FHL2: variants seen among roughly 807,000 people sequenced by gnomAD.
The protein encoded by FHL2 is four and a half LIM domains 2.
Under a neutral mutation model 32.7 loss-of-function variants are expected in FHL2, and 20 were observed. The ratio of observed to expected loss-of-function variants is 0.61; its 90% CI spans 0.43 to 0.89. The LOEUF (loss-of-function observed/expected upper bound fraction) is 0.89. Among genes scored for constraint, FHL2 ranks in the 40% least tolerant of loss-of-function variants. FHL2 has a pLI of 0.00. For synonymous variants in FHL2, 123 were observed against 128.1 expected (o/e 0.96, Z 0.27); for missense variants, 311 against 358.6 (o/e 0.87, Z 1.07).
chr2:105,365,959 C>T (rs1179382205), intron 5 of FHL2, among the ~76,000 whole-genome samples: 1 of 151,950 alleles, frequency 6.6e-6, no homozygotes, highest in East Asian at 1.9e-4. Context: ...AATCCCAGCA[C>T]TTTGGGAGGT....
rs908299857 is a variant in FHL2 at position 105,361,135 on chromosome 2, G to A, written c.*148C>T. On this transcript the variant is annotated 3_prime_UTR_variant, in exon 7 of 7. Coordinates refer to ENST00000530340, the MANE Select transcript of FHL2 (RefSeq NM_001318895.3). ...CTGAACTATCACAAAGCACTAAAGGGTTTAAGCAAACGTGAGTATCACTGA... is the reference window on the plus strand; with the variant it reads ...CTGAACTATCACAAAGCACTAAAGGATTTAAGCAAACGTGAGTATCACTGA... The A allele has an allele frequency of 1.5e-5, 12 of 784,408 alleles. No homozygotes were observed. Among genetic ancestry groups the A allele is most frequent in the Admixed American group, 8.1e-5 (3 of 36,980 alleles). The allele number at this position is 784,408 out of a possible 1,614,324, so 48.6% of individuals were successfully genotyped here. A position where few individuals can be genotyped will look rare whatever the true frequency, so the allele number is the denominator to read the frequency against.
chr2:105,373,649 C>T lies in FHL2; in HGVS notation c.241G>A (p.Ala81Thr). ...CRNSLVDKPFAAKEDQLLCTD... is the reference protein window; with the variant it reads ...CRNSLVDKPFTAKEDQLLCTD... ...CAGAGCAGCTGGTCCTCCTTGGCAG[C>T]AAAGGGCTTGTCCACCAGTGAGTTT... Residue 81 changes from alanine to threonine, a missense_variant, in exon 4 of 7, where the codon GCT becomes ACT. Coordinates refer to ENST00000530340, the MANE Select transcript of FHL2 (RefSeq NM_001318895.3). 1 of 1,614,230 alleles carries T rather than the reference C, an allele frequency of 6.2e-7. No homozygotes were observed. The highest frequency in any genetic ancestry group is 1.1e-5 in the South Asian group (1 of 91,084).
intron 1 of FHL2, among the ~76,000 whole-genome samples, chr2:105,406,498 A>G (rs867332429): frequency 3.5e-4 from 52 of 148,416 alleles, no homozygotes; most frequent in African/African-American, 1.0e-3. Context: ...TTGAAATTCA[A>G]TTTCCATTTG....
intron 3 of FHL2, among the ~76,000 whole-genome samples, chr2:105,379,982 T>C (rs1274333345): frequency 6.6e-6 from 1 of 152,344 alleles, no homozygotes; most frequent in East Asian, 1.9e-4. Flanking sequence ...ACTCTCTGAA[T>C]GGGGCGCCCA....
chr2:105,415,702 A>G (rs56101314), intron 1 of FHL2, among the ~76,000 whole-genome samples: 5,596 of 152,346 alleles, frequency 0.037, 166 homozygotes, highest in South Asian at 0.12. Context: ...TTCCTAAAAT[A>G]GAACCAACAA....
chr2:105,362,991 G>A (rs1247398198), intron 6 of FHL2: 2 of 355,288 alleles, frequency 5.6e-6, no homozygotes, highest in East Asian at 1.1e-4. Flanking sequence ...CTTTTGTGAT[G>A]TCACAGGCTC....
At chr2:105,423,885 T>A (rs551112022) in intron 1 of FHL2, among the ~76,000 whole-genome samples, 129 of 152,254 alleles carry the variant, frequency 8.5e-4, no homozygotes, top group Non-Finnish European at 1.5e-3. Context: ...TCAAGATGGG[T>A]TAAAGACTTA....
intron 1 of FHL2, among the ~76,000 whole-genome samples, chr2:105,432,424 G>T (rs953707390): frequency 6.6e-6 from 1 of 152,122 alleles, no homozygotes. Flanking sequence ...ATAACATTTG[G>T]CCATTGGTTC....
intron 1 of FHL2, among the ~76,000 whole-genome samples, chr2:105,409,217 C>A (rs1683723071): frequency 6.6e-6 from 1 of 152,154 alleles, no homozygotes; most frequent in Non-Finnish European, 1.5e-5. Flanking sequence ...ATGGGGAGAG[C>A]AAGCCAAAGG....
intron 2 of FHL2, among the ~76,000 whole-genome samples, chr2:105,393,613 G>A (rs1319895088): frequency 1.3e-5 from 2 of 152,232 alleles, no homozygotes; most frequent in Non-Finnish European, 2.9e-5. Flanking sequence ...CACAGGACCA[G>A]GGGCTTTGTG....
At chr2:105,429,085 G>C (rs1361347209) in intron 1 of FHL2, among the ~76,000 whole-genome samples, 1 of 152,184 alleles carries the variant, frequency 6.6e-6, no homozygotes, top group African/African-American at 2.4e-5. Context: ...GGGATGACCT[G>C]TCCTGTTTAA....
intron 1 of FHL2, chr2:105,438,339 G>A: frequency 1.0e-6 from 1 of 983,812 alleles, no homozygotes; most frequent in Non-Finnish European, 1.2e-6. Context: ...CTGCTGCAGA[G>A]ACAGGCTGGG....
intron 1 of FHL2, among the ~76,000 whole-genome samples, chr2:105,415,729 T>C (rs923388631): frequency 6.6e-6 from 1 of 152,088 alleles, no homozygotes; most frequent in Non-Finnish European, 1.5e-5. Context: ...AATAAACAAA[T>C]GAAGTAAGCA....
rs756315731 is a variant in FHL2, at chr2:105,399,039, C to T, written c.-273G>A. ...CGGGCGGCTGGTGGCTGCGGCTCCGCTGCCGGCCGAGTGGAGCGCTGCGCA... is the reference window on the plus strand; with the variant it reads ...CGGGCGGCTGGTGGCTGCGGCTCCGTTGCCGGCCGAGTGGAGCGCTGCGCA... On this transcript the variant is annotated 5_prime_UTR_variant, in exon 1 of 7. Coordinates refer to ENST00000530340, the MANE Select transcript of FHL2 (RefSeq NM_001318895.3). 262 of 1,496,902 alleles carry T rather than the reference C, an allele frequency of 1.8e-4. No homozygotes were observed. The highest frequency in any genetic ancestry group is 2.2e-4 in the Non-Finnish European group (243 of 1,125,650). The allele number at this position is 1,496,902 out of a possible 1,614,324, so 92.7% of individuals were successfully genotyped here.
chr2:105,427,339 C>T (rs1030333493), intron 1 of FHL2, among the ~76,000 whole-genome samples: 1 of 152,136 alleles, frequency 6.6e-6, no homozygotes, highest in African/African-American at 2.4e-5. Context: ...TAAAAATATG[C>T]TGATCTCAAT....
chr2:105,396,286 G>A (rs1429698558), intron 2 of FHL2, among the ~76,000 whole-genome samples: 1 of 152,168 alleles, frequency 6.6e-6, no homozygotes, highest in Non-Finnish European at 1.5e-5. Context: ...GAAAAGAGGA[G>A]ACTCTATAGA....
chr2:105,411,016 C>A (rs1397343611), intron 1 of FHL2, among the ~76,000 whole-genome samples: 2 of 152,172 alleles, frequency 1.3e-5, no homozygotes, highest in Non-Finnish European at 2.9e-5. Context: ...AATGTCCACC[C>A]TGAATCTACA....
At chr2:105,410,962 T>C (rs964455620) in intron 1 of FHL2, among the ~76,000 whole-genome samples, 14 of 152,192 alleles carry the variant, frequency 9.2e-5, no homozygotes, top group Non-Finnish European at 1.3e-4. Context: ...GACCAGTACA[T>C]AGAAGGTGTT....
At chr2:105,404,284 T>C (rs970586017) in intron 1 of FHL2, among the ~76,000 whole-genome samples, 2 of 152,214 alleles carry the variant, frequency 1.3e-5, no homozygotes, top group Admixed American at 6.5e-5. Context: ...GATTTGCCCT[T>C]GATTCAGAGG....
Sources: gnomAD v4.1 joint callset for allele counts (sites outside exome capture counted in the v4.1 genomes callset) on GRCh38, gnomAD v4.1.1 for gene constraint, MANE v1.5 for transcripts, NCBI Gene and HGNC (gene_info 2026-07-23, HGNC 2026-07-21) for gene names.